Variants in MCM9 observed in about 807,000 individuals in gnomAD.
The protein encoded by MCM9 is DNA helicase MCM9.
In MCM9, 55 loss-of-function variants were observed where a neutral mutation model predicts 72.8. That is an observed-to-expected ratio of 0.76 (90% CI 0.61 to 0.95). The LOEUF is 0.95. Ranked by LOEUF, MCM9 falls within the 40% of genes least tolerant of loss-of-function variation. The probability of loss-of-function intolerance (pLI) is 0.00; values close to 1 mark genes in which losing one functional copy is unlikely to be tolerated. For missense variants in MCM9, 1,279 were observed against 1,377.0 expected (o/e 0.93, Z 1.13); for synonymous variants, 480 against 503.4 (o/e 0.95, Z 0.62).
chr6:118,814,880 G>A lies in MCM9; in HGVS notation c.3376C>T (p.Leu1126=). 6.5e-7 allele frequency: 1 copy of A among 1,544,136 alleles called. No individual in the cohort carries two copies. Among genetic ancestry groups the A allele is most frequent in the Non-Finnish European group, 8.7e-7 (1 of 1,144,378 alleles). The change falls in exon 14 of 14, where the codon CTA becomes TTA. Residue 1126 remains leucine, a synonymous_variant. Coordinates refer to ENST00000619706, the MANE Select transcript of MCM9 (RefSeq NM_017696.3). ...SKESLFTLPE[L]GDEAFDCDWD... ...TCACAATCAAATGCTTCATCACCTA[G>A]TTCTGGTAAAGTGAAGAGGGATTCT...
intron 8 of MCM9, among the ~76,000 whole-genome samples, chr6:118,860,033 A>G (rs984884978): frequency 5.9e-5 from 9 of 152,244 alleles, no homozygotes; most frequent in African/African-American, 1.9e-4. Flanking sequence ...TACTAAAGGC[A>G]TATTAACCAC....
intron 8 of MCM9, among the ~76,000 whole-genome samples, chr6:118,905,179 G>A (rs545310416): frequency 6.6e-6 from 1 of 152,270 alleles, no homozygotes; most frequent in East Asian, 1.9e-4. Context: ...ATACCTGTGG[G>A]GGTGGTTGAG....
At chr6:118,834,057 C>T (rs563018609) in intron 9 of MCM9, among the ~76,000 whole-genome samples, 64 of 152,192 alleles carry the variant, frequency 4.2e-4, no homozygotes, top group African/African-American at 1.5e-3. Flanking sequence ...TGTTCCCCTC[C>T]CCGTGTCCAT....
At chr6:118,917,090 T>A (rs1364885062) in intron 6 of MCM9, among the ~76,000 whole-genome samples, 1 of 152,216 alleles carries the variant, frequency 6.6e-6, no homozygotes, top group Non-Finnish European at 1.5e-5. Context: ...AATTTTTGCT[T>A]GTGATGACAA....
chr6:118,847,736 CT>C (rs2114649478), intron 9 of MCM9, among the ~76,000 whole-genome samples: 1 of 151,834 alleles, frequency 6.6e-6, no homozygotes, highest in African/African-American at 2.4e-5. Flanking sequence ...TCACTGATAT[CT>C]AGAAAAACTG....
chr6:118,877,508 C>T (rs530068009), intron 8 of MCM9, among the ~76,000 whole-genome samples: 5 of 152,154 alleles, frequency 3.3e-5, no homozygotes, highest in Non-Finnish European at 7.3e-5. Flanking sequence ...ATTACACACC[C>T]ACAAGTATGG....
At chr6:118,823,634 T>C (rs1773964173) in intron 13 of MCM9, among the ~76,000 whole-genome samples, 1 of 152,190 alleles carries the variant, frequency 6.6e-6, no homozygotes, top group African/African-American at 2.4e-5. Context: ...TCCCTAGAAG[T>C]AGGTCCTTTA....
chr6:118,857,626 CA>C (rs1203197065), intron 8 of MCM9, among the ~76,000 whole-genome samples: 1,368 of 70,992 alleles, frequency 0.019, 8 homozygotes, highest in African/African-American at 0.065. Flanking sequence ...CCAGACTGAC[CA>C]AAAAAAAAAA....
chr6:118,832,022 G>A (rs1343180000), intron 9 of MCM9, among the ~76,000 whole-genome samples: 1 of 152,090 alleles, frequency 6.6e-6, no homozygotes, highest in East Asian at 1.9e-4. Flanking sequence ...CTTCCAGACT[G>A]CCGATTCTGC....
At chr6:118,894,715 T>G (rs1583573855) in intron 8 of MCM9, among the ~76,000 whole-genome samples, 1 of 152,314 alleles carries the variant, frequency 6.6e-6, no homozygotes, top group Admixed American at 6.5e-5. Flanking sequence ...CCCAGGCGCC[T>G]GCCGGGCTCA....
chr6:118,907,511 A>G lies in MCM9; in HGVS notation c.1150+4139T>C, dbSNP rs749980809. 1.3e-5 allele frequency: 21 copies of G among 1,613,508 alleles called. No individual in the cohort carries two copies. The Middle Eastern group carries it at 1.6e-3, about 126-fold the overall frequency. ...GCAGAGAGCAGTAATCCAAATCTAC[A>G]GTCACTTCTTTCAACAGATGCATTA... is the stretch of plus-strand genomic sequence containing the variant. On this transcript the variant is annotated intron_variant, in intron 8 of 13. Transcript: ENST00000619706.
intron 8 of MCM9, among the ~76,000 whole-genome samples, chr6:118,856,998 T>C (rs531503840): frequency 2.0e-5 from 3 of 152,340 alleles, no homozygotes; most frequent in South Asian, 4.1e-4. Context: ...ATCAGGACAA[T>C]TGCTTCACAT....
rs892167405 is a variant in MCM9 at position 118,829,124 on chromosome 6, G to A, written c.1452C>T (p.Asp484=). 3.9e-6 allele frequency: 6 copies of A among 1,550,482 alleles called. No individual in the cohort carries two copies. Among genetic ancestry groups the A allele is most frequent in the South Asian group, 2.4e-5 (2 of 84,070 alleles). The change falls in exon 10 of 14, where the codon GAC becomes GAT. Residue 484 remains aspartate, a synonymous_variant. Transcript: ENST00000619706. The part of the protein sequence containing the change: ...ALGSPLLSRF[D]LILVLLDTKN... ...TGGTATCAAGCAAAACCAGGATCAG[G>A]TCAAATCGACTTAAGAGTGGGCTGC... is the stretch of plus-strand genomic sequence containing the variant.
At chr6:118,857,646 AAAAG>A (rs1441990353) in intron 8 of MCM9, among the ~76,000 whole-genome samples, 2 of 146,656 alleles carry the variant, frequency 1.4e-5, no homozygotes, top group East Asian at 3.9e-4. Context: ...AAAAAAAAAA[AAAAG>A]AGGAGACACA....
chr6:118,904,024 C>G (rs142478996), intron 8 of MCM9, among the ~76,000 whole-genome samples: 29 of 152,270 alleles, frequency 1.9e-4, no homozygotes, highest in African/African-American at 6.5e-4. Flanking sequence ...AGTTAAAGAA[C>G]TGAGATTTTA....
At chr6:118,841,133 C>T (rs960984217) in intron 9 of MCM9, among the ~76,000 whole-genome samples, 2 of 152,178 alleles carry the variant, frequency 1.3e-5, no homozygotes, top group Non-Finnish European at 2.9e-5. Flanking sequence ...ATGGGATTTA[C>T]AAGCAAGGGG....
At chr6:118,902,485 A>G (rs942939776) in intron 8 of MCM9, among the ~76,000 whole-genome samples, 2 of 151,174 alleles carry the variant, frequency 1.3e-5, no homozygotes, top group South Asian at 2.1e-4. Flanking sequence ...CTGATAATTC[A>G]TGATACAGTA....
chr6:118,820,384 G>C (rs1161501769), intron 13 of MCM9, among the ~76,000 whole-genome samples: 3 of 152,142 alleles, frequency 2.0e-5, no homozygotes, highest in African/African-American at 4.8e-5. Flanking sequence ...TATTTACCCA[G>C]TAGTCATTTG....
At chr6:118,900,888 T>C in intron 8 of MCM9, 2 of 1,571,340 alleles carry the variant, frequency 1.3e-6, no homozygotes, top group Non-Finnish European at 1.8e-6. Context: ...TCAGGTAAGA[T>C]TAATCTTGGT....
Sources: allele counts gnomAD v4.1 joint callset (sites outside exome capture counted in the v4.1 genomes callset), GRCh38; gene constraint gnomAD v4.1.1; transcripts MANE v1.5; gene names NCBI Gene and HGNC (gene_info 2026-07-23, HGNC 2026-07-21).